The following BEAN1 variants were observed in gnomAD, a reference collection of about 807,000 sequenced individuals.
BEAN1 encodes brain expressed associated with NEDD4 1, also known as protein BEAN1.
Under a neutral mutation model 17.7 loss-of-function variants are expected in BEAN1, and 17 were observed. The observed-to-expected ratio is 0.96, with a 90% CI of 0.66 to 1.44. The LOEUF (loss-of-function observed/expected upper bound fraction) is 1.44, where lower values mean the gene tolerates loss of function less well. Among genes scored for constraint, BEAN1 ranks in the 40% most tolerant of loss-of-function variants. The probability of loss-of-function intolerance (pLI) is 0.00; values close to 1 mark genes in which losing one functional copy is unlikely to be tolerated. For missense variants in BEAN1, 359 were observed against 374.1 expected (o/e 0.96, Z 0.33); for synonymous variants, 142 against 151.8 (o/e 0.94, Z 0.47).
chr16:66,440,911 T>C (rs2142383771), intron 2 of BEAN1, among the ~76,000 whole-genome samples: 1 of 152,154 alleles, frequency 6.6e-6, no homozygotes, highest in Admixed American at 6.5e-5. Flanking sequence ...GAACCTCAGT[T>C]CCCCTCCTAT....
chr16:66,448,832 A>G (rs758929261), intron 2 of BEAN1, among the ~76,000 whole-genome samples: 1 of 152,196 alleles, frequency 6.6e-6, no homozygotes, highest in African/African-American at 2.4e-5. Context: ...AAAGAAAAGA[A>G]AAAGAAAGAA....
In BEAN1 at chr16:66,469,972, G is replaced by A. The variant is rs79938539; in HGVS notation, c.289+107G>A. The A allele has an allele frequency of 0.12, 172,475 of 1,406,290 alleles. 11,698 individuals carry two copies. The highest frequency in any genetic ancestry group is 0.16 in the Middle Eastern group (604 of 3,860). 87.1% of individuals were successfully genotyped at this position (1,406,290 alleles called of 1,614,324 possible). On this transcript the variant is annotated intron_variant, in intron 3 of 4. Transcript: ENST00000536005. ...CTGCCCTGGGTGGAGCAGGGTGGTC[G>A]GGAAAGCATCCTAGAAGTCTTGGGT...
Position 66,478,384 on chromosome 16 carries a change from C to T in BEAN1, c.440+674C>T, listed in dbSNP as rs536713727. Among the ~76,000 whole-genome samples the T allele has an allele frequency of 2.0e-3, 299 of 151,710 alleles. 1 individual carries two copies. The highest frequency in any genetic ancestry group is 6.6e-3 in the African/African-American group (273 of 41,342). ...TTTGGGAGGCTGAGGTGGGGGATCA[C>T]GAGGTCAGGAGATCGAGACCATCCT... On this transcript the variant is annotated intron_variant, in intron 4 of 4. Coordinates refer to ENST00000536005, the MANE Select transcript of BEAN1 (RefSeq NM_001178020.3).
At chr16:66,441,115 G>C (rs771634737) in intron 2 of BEAN1, among the ~76,000 whole-genome samples, 1 of 152,324 alleles carries the variant, frequency 6.6e-6, no homozygotes, top group African/African-American at 2.4e-5. Context: ...GAAAGCAGGG[G>C]CCATGCCTGC....
chr16:66,471,696 A>G lies in BEAN1; in HGVS notation c.289+1831A>G, dbSNP rs561231229. 5.9e-5 allele frequency among the ~76,000 whole-genome samples: 9 copies of G among 152,360 alleles called. No homozygotes were observed. Among genetic ancestry groups the G allele is most frequent in the Middle Eastern group, 6.8e-3 (2 of 294 alleles). ...GCTAGTGGACTGTTCTCACTGTCCA[A>G]CAATGAGGATCAAAGAGAAAGTTCA... On this transcript the variant is annotated intron_variant, in intron 3 of 4. Coordinates refer to ENST00000536005, the MANE Select transcript of BEAN1 (RefSeq NM_001178020.3). The surrounding 1 kb of genome is among the most constrained non-coding windows in gnomAD (Gnocchi z 4.7).
chr16:66,442,986 A>G (rs1962316343), intron 2 of BEAN1, among the ~76,000 whole-genome samples: 1 of 152,184 alleles, frequency 6.6e-6, no homozygotes, highest in African/African-American at 2.4e-5. Flanking sequence ...AGAAGAAAGG[A>G]CTTGAGGGCA....
rs1963420868 is a variant in BEAN1 at position 66,470,118 on chromosome 16, C to T, written c.289+253C>T. ...GTCAGAGGGAGAGTGTGTCACTCCT[C>T]CCCTGCCACTGTTGGTCCAGGCTGC... On this transcript the variant is annotated intron_variant, in intron 3 of 4. Coordinates refer to ENST00000536005, the MANE Select transcript of BEAN1 (RefSeq NM_001178020.3). 3 of 589,322 alleles carry T rather than the reference C, an allele frequency of 5.1e-6. 1 individual carries two copies. Among genetic ancestry groups the T allele is most frequent in the South Asian group, 4.4e-5 (2 of 45,554 alleles). The allele number at this position is 589,322 out of a possible 1,614,324, so 36.5% of individuals were successfully genotyped here.
At chr16:66,470,263 G>T (rs898594159) in intron 3 of BEAN1, among the ~76,000 whole-genome samples, 14 of 151,998 alleles carry the variant, frequency 9.2e-5, no homozygotes. Flanking sequence ...GGAATGGATG[G>T]GTGAGAAGGG....
At chr16:66,436,204 G>A (rs981504121) in intron 1 of BEAN1, among the ~76,000 whole-genome samples, 2 of 152,062 alleles carry the variant, frequency 1.3e-5, no homozygotes, top group East Asian at 1.9e-4. Context: ...CATGTCCCTT[G>A]GGAGACATGA....
At chr16:66,476,398 C>T (rs1004984215) in intron 3 of BEAN1, 5 of 152,152 alleles carry the variant, frequency 3.3e-5, no homozygotes, top group African/African-American at 1.2e-4. Context: ...TGCTTCACCA[C>T]GTATGTGACC....
intron 2 of BEAN1, among the ~76,000 whole-genome samples, chr16:66,464,872 G>C (rs928407684): frequency 6.6e-6 from 1 of 152,068 alleles, no homozygotes; most frequent in Admixed American, 6.6e-5. Flanking sequence ...CCTTTACAAT[G>C]TGGATGCCTT....
intron 2 of BEAN1, among the ~76,000 whole-genome samples, chr16:66,457,893 G>A (rs1209538099): frequency 6.6e-6 from 1 of 151,558 alleles, no homozygotes; most frequent in Non-Finnish European, 1.5e-5. Context: ...CTTAGAGGAT[G>A]GGATCAGCCA....
chr16:66,444,188 C>G (rs977564332), intron 2 of BEAN1, among the ~76,000 whole-genome samples: 1 of 152,170 alleles, frequency 6.6e-6, no homozygotes. Flanking sequence ...GTGGCTCTTC[C>G]CCTGTGTCCA....
chr16:66,455,654 C>T lies in BEAN1; in HGVS notation c.26-13948C>T, dbSNP rs148181825. 4.0e-5 allele frequency among the ~76,000 whole-genome samples: 6 copies of T among 151,340 alleles called. No homozygotes were observed. The East Asian group carries it at 1.2e-3, about 30-fold the overall frequency. On this transcript the variant is annotated intron_variant, in intron 2 of 4. Coordinates refer to ENST00000536005, the MANE Select transcript of BEAN1 (RefSeq NM_001178020.3). ...TAGGGATACTGAGAGGTATAGTGGA[C>T]AATACCTGCAGCAACACGCTTATAA...
chr16:66,447,210 C>T (rs1232368127), intron 2 of BEAN1, among the ~76,000 whole-genome samples: 1 of 152,166 alleles, frequency 6.6e-6, no homozygotes, highest in Admixed American at 6.5e-5. Context: ...TTTGCGGGTG[C>T]CTTCATACCT....
intron 2 of BEAN1, among the ~76,000 whole-genome samples, chr16:66,467,712 C>T (rs1397739945): frequency 2.0e-5 from 3 of 152,206 alleles, no homozygotes; most frequent in Non-Finnish European, 4.4e-5. Flanking sequence ...AGCCTTAGGG[C>T]GCTCCCTCAC....
In BEAN1 at chr16:66,471,604, G is replaced by A. The variant is rs1963486401; in HGVS notation, c.289+1739G>A. 6.6e-6 allele frequency among the ~76,000 whole-genome samples: 1 copy of A among 152,236 alleles called. No homozygotes were observed. The highest frequency in any genetic ancestry group is 2.1e-4 in the South Asian group (1 of 4,830). On this transcript the variant is annotated intron_variant, in intron 3 of 4. Coordinates refer to ENST00000536005, the MANE Select transcript of BEAN1 (RefSeq NM_001178020.3). The surrounding 1 kb of genome is among the most constrained non-coding windows in gnomAD (Gnocchi z 4.7). ...AGAAGAGCAGGAGGCTGGACCTTGT[G>A]TAAGACACAGAGGGACATCCCGGGA...
rs79646700 is a variant in BEAN1 at position 66,472,124 on chromosome 16, C to A, written c.289+2259C>A. On this transcript the variant is annotated intron_variant, in intron 3 of 4. Transcript: ENST00000536005. ...CCTTCTCGAACCGAAAAAAAGCCTT[C>A]CAGGCCCCGCTCAAAGGCTGCCTCC... Among the ~76,000 whole-genome samples the A allele has an allele frequency of 7.2e-3, 1,100 of 152,354 alleles. 8 individuals are homozygous for A. The highest frequency in any genetic ancestry group is 0.025 in the African/African-American group (1,030 of 41,590).
intron 1 of BEAN1, among the ~76,000 whole-genome samples, chr16:66,429,363 C>T (rs749903555): frequency 2.0e-5 from 3 of 152,200 alleles, no homozygotes; most frequent in Non-Finnish European, 4.4e-5. Flanking sequence ...AAGGGATTTG[C>T]TCCAGTCTGT....
Sources: allele counts gnomAD v4.1 joint callset (sites outside exome capture counted in the v4.1 genomes callset), GRCh38; gene constraint gnomAD v4.1.1; non-coding constraint Gnocchi (gnomAD v3.1); transcripts MANE v1.5; gene names NCBI Gene and HGNC (gene_info 2026-07-23, HGNC 2026-07-21).